TAFA1: variants seen among roughly 807,000 people sequenced by gnomAD.
The protein encoded by TAFA1 is TAFA chemokine like family member 1.
A neutral mutation model predicts 18.5 loss-of-function variants in TAFA1; 4 were observed. The observed-to-expected ratio is 0.22, with a 90% CI of 0.11 to 0.49. The LOEUF is 0.49. TAFA1 is among the 20% of genes least tolerant of loss of function. TAFA1 has a pLI of 0.98. For synonymous variants in TAFA1, 56 were observed against 55.2 expected (o/e 1.01, Z -0.06); for missense variants, 147 against 169.0 (o/e 0.87, Z 0.72).
At chr3:68,423,489 A>G (rs1471883402) in intron 3 of TAFA1, among the ~76,000 whole-genome samples, 1 of 152,128 alleles carries the variant, frequency 6.6e-6, no homozygotes, top group African/African-American at 2.4e-5. Flanking sequence ...GCATTCTTAT[A>G]AGATGCAAAA....
At chr3:67,998,820 C>T in the TAFA1 span, among the ~76,000 whole-genome samples, 16 of 152,142 alleles carry the variant, frequency 1.1e-4, no homozygotes, top group Non-Finnish European at 1.9e-4. Context: ...GTGAGTGCCA[C>T]CTGTGGGCTA....
chr3:68,440,914 A>G (rs1315729402), intron 3 of TAFA1, among the ~76,000 whole-genome samples: 4 of 152,094 alleles, frequency 2.6e-5, no homozygotes, highest in Non-Finnish European at 4.4e-5. Context: ...CTTAACTTCC[A>G]ATTTAATGGA....
At chr3:68,030,715 C>A (rs1704916639) in intron 2 of TAFA1, among the ~76,000 whole-genome samples, 1 of 152,130 alleles carries the variant, frequency 6.6e-6, no homozygotes, top group Admixed American at 6.6e-5. Flanking sequence ...AACAGTGCTG[C>A]AGTAAACCTG....
the TAFA1 span, among the ~76,000 whole-genome samples, chr3:67,997,306 A>G: frequency 4.6e-5 from 7 of 152,212 alleles, no homozygotes; most frequent in African/African-American, 1.7e-4. Context: ...GCATCTAGCA[A>G]TGATCTTTTG....
At chr3:68,282,192 T>G (rs541711915) in intron 2 of TAFA1, among the ~76,000 whole-genome samples, 1 of 152,278 alleles carries the variant, frequency 6.6e-6, no homozygotes, top group East Asian at 1.9e-4. Flanking sequence ...ATTGGGTCCC[T>G]CCCATGACAC....
chr3:68,135,184 C>T (rs143785554), intron 2 of TAFA1, among the ~76,000 whole-genome samples: 1 of 152,262 alleles, frequency 6.6e-6, no homozygotes, highest in East Asian at 1.9e-4. Flanking sequence ...CCACTGGCCA[C>T]ACATATCTGT....
intron 3 of TAFA1, among the ~76,000 whole-genome samples, chr3:68,486,809 A>G (rs996481330): frequency 5.9e-5 from 9 of 152,234 alleles, no homozygotes; most frequent in African/African-American, 2.2e-4. Flanking sequence ...TGAGCTACCC[A>G]CTTCTCATTC....
intron 2 of TAFA1, among the ~76,000 whole-genome samples, chr3:68,008,986 G>A (rs1378477791): frequency 2.0e-5 from 3 of 152,182 alleles, no homozygotes; most frequent in Admixed American, 1.3e-4. Flanking sequence ...TTTGTAAGCT[G>A]TAAAGTTCTT....
chr3:68,100,440 C>T (rs2065134619), intron 2 of TAFA1, among the ~76,000 whole-genome samples: 2 of 152,110 alleles, frequency 1.3e-5, no homozygotes, highest in Non-Finnish European at 1.5e-5. Context: ...GCCAAGAGCA[C>T]TCCAGCCTGG....
chr3:68,296,181 A>G (rs72626939), intron 2 of TAFA1, among the ~76,000 whole-genome samples: 4,019 of 152,276 alleles, frequency 0.026, 89 homozygotes, highest in East Asian at 0.096. Context: ...AGTCAACACC[A>G]GCAATCTGGA....
At chr3:68,277,356 T>A (rs555173818) in intron 2 of TAFA1, among the ~76,000 whole-genome samples, 63 of 152,266 alleles carry the variant, frequency 4.1e-4, no homozygotes, top group Admixed American at 3.0e-3. Flanking sequence ...AATTTATACT[T>A]CTATCGATTA....
chr3:68,353,867 A>AC (rs2069315329), intron 2 of TAFA1, among the ~76,000 whole-genome samples: 1 of 152,058 alleles, frequency 6.6e-6, no homozygotes, highest in Non-Finnish European at 1.5e-5. Context: ...CAAATTAATC[A>AC]ACCCCAGTCT....
intron 3 of TAFA1, among the ~76,000 whole-genome samples, chr3:68,425,342 G>C (rs569192980): frequency 6.6e-6 from 1 of 151,988 alleles, no homozygotes; most frequent in East Asian, 1.9e-4. Flanking sequence ...TTTGAAACTT[G>C]CTTTGTTCTT....
intron 2 of TAFA1, among the ~76,000 whole-genome samples, chr3:68,397,730 A>C (rs946439314): frequency 9.2e-5 from 14 of 152,172 alleles, no homozygotes. Context: ...ATCCTTGAAG[A>C]ATTGCCACAC....
chr3:68,033,280 G>A (rs994590713), intron 2 of TAFA1, among the ~76,000 whole-genome samples: 2 of 151,982 alleles, frequency 1.3e-5, no homozygotes, highest in African/African-American at 2.4e-5. Context: ...CAGCTGTTTC[G>A]ATCTTCACCT....
intron 2 of TAFA1, among the ~76,000 whole-genome samples, chr3:68,172,988 G>C (rs1006798936): frequency 1.3e-5 from 2 of 152,040 alleles, no homozygotes; most frequent in Non-Finnish European, 2.9e-5. Context: ...CAAAGCCACA[G>C]CTCTTTTGCA....
chr3:68,259,250 T>A (rs1480629437), intron 2 of TAFA1, among the ~76,000 whole-genome samples: 1 of 152,172 alleles, frequency 6.6e-6, no homozygotes, highest in Non-Finnish European at 1.5e-5. Flanking sequence ...TTACTTTCCT[T>A]TTCAATTTAA....
intron 2 of TAFA1, among the ~76,000 whole-genome samples, chr3:68,024,789 A>G (rs1704776844): frequency 7.3e-6 from 1 of 137,804 alleles, no homozygotes; most frequent in Non-Finnish European, 1.5e-5. Context: ...AGGACTCTCT[A>G]GACCATCTCC....
intron 2 of TAFA1, among the ~76,000 whole-genome samples, chr3:68,390,321 C>T (rs2070206328): frequency 2.0e-5 from 3 of 152,164 alleles, no homozygotes; most frequent in Non-Finnish European, 4.4e-5. Flanking sequence ...CATCTCTGGG[C>T]AGGGCATCTC....
Sources: allele counts gnomAD v4.1 joint callset (sites outside exome capture counted in the v4.1 genomes callset), GRCh38; gene constraint gnomAD v4.1.1; transcripts MANE v1.5; gene names NCBI Gene and HGNC (gene_info 2026-07-23, HGNC 2026-07-21).